The following GRIK4 variants were observed in gnomAD, a reference collection of about 807,000 sequenced individuals.
The protein encoded by GRIK4 is glutamate receptor ionotropic, kainate 4.
A neutral mutation model predicts 104.9 loss-of-function variants in GRIK4; 40 were observed. The observed-to-expected ratio is 0.38, with a 90% CI of 0.30 to 0.50. The LOEUF is 0.50. GRIK4 is among the 20% of genes least tolerant of loss of function. The pLI is 0.93. For missense variants in GRIK4, 1,047 were observed against 1,308.1 expected (o/e 0.80, Z 3.08); for synonymous variants, 485 against 524.9 (o/e 0.92, Z 1.04).
At chr11:120,934,047 A>G (rs1239020967) in intron 13 of GRIK4, among the ~76,000 whole-genome samples, 1 of 152,004 alleles carries the variant, frequency 6.6e-6, no homozygotes, top group Non-Finnish European at 1.5e-5. Context: ...TACTAAAAAT[A>G]TAAAAAAATT....
intron 1 of GRIK4, among the ~76,000 whole-genome samples, chr11:120,647,558 G>T (rs919528753): frequency 9.2e-5 from 14 of 152,210 alleles, no homozygotes; most frequent in East Asian, 1.9e-4. Context: ...GCCAGATTTG[G>T]TTTTTTCACC....
At chr11:120,608,041 A>T (rs1224686784) in intron 1 of GRIK4, among the ~76,000 whole-genome samples, 1 of 152,144 alleles carries the variant, frequency 6.6e-6, no homozygotes, top group Non-Finnish European at 1.5e-5. Context: ...TTTTGCAGGG[A>T]ATGTTTTCAG....
chr11:120,793,031 G>A lies in GRIK4; in HGVS notation c.83-9662G>A, dbSNP rs75171806. Among the ~76,000 whole-genome samples, 10 of 152,190 alleles carry A rather than the reference G, an allele frequency of 6.6e-5. No homozygotes were observed. The East Asian group carries it at 1.9e-3, about 29-fold the overall frequency. Reference sequence around the variant, plus strand: ...TAGTTTCATGGAAGCCAAGGAGGTTGATTAAATGAGATAACATATATGCTC... The same window carrying A: ...TAGTTTCATGGAAGCCAAGGAGGTTAATTAAATGAGATAACATATATGCTC... On this transcript the variant is annotated intron_variant, in intron 3 of 20. Coordinates refer to ENST00000527524, the MANE Select transcript of GRIK4 (RefSeq NM_014619.5).
In GRIK4 at chr11:120,967,307, A is replaced by G. The variant is rs1944401455; in HGVS notation, c.2379A>G (p.Glu793=). ...AAGGAGGGAAGTGCCCCAAGGAGGA[A>G]GATCACAGAGCTAAAGGTAAGGACG... ...WWEGGKCPKE[E]DHRAKGLGME... The change falls in exon 19 of 21, where the codon GAA becomes GAG. Residue 793 remains glutamate (E), a synonymous_variant. Coordinates refer to ENST00000527524, the MANE Select transcript of GRIK4 (RefSeq NM_014619.5). This position sits in a 1 kb window ranked among gnomAD's most constrained non-coding sequence, Gnocchi z 4.2. 6.2e-7 allele frequency: 1 copy of G among 1,613,416 alleles called. No individual in the cohort carries two copies. Among genetic ancestry groups the G allele is most frequent in the Admixed American group, 1.7e-5 (1 of 59,964 alleles).
chr11:120,531,334 C>T (rs1293053424), intron 1 of GRIK4, among the ~76,000 whole-genome samples: 1 of 152,220 alleles, frequency 6.6e-6, no homozygotes, highest in African/African-American at 2.4e-5. Flanking sequence ...ATTTTCCTTC[C>T]CCACATCCTC....
chr11:120,572,898 T>C (rs1339706610), intron 1 of GRIK4, among the ~76,000 whole-genome samples: 1 of 152,160 alleles, frequency 6.6e-6, no homozygotes, highest in Non-Finnish European at 1.5e-5. Flanking sequence ...TGCAAGAAGA[T>C]TGGAAAGCCA....
chr11:120,925,397 G>T (rs1382589340), intron 13 of GRIK4, among the ~76,000 whole-genome samples: 3 of 152,172 alleles, frequency 2.0e-5, no homozygotes, highest in Non-Finnish European at 4.4e-5. Flanking sequence ...ATCACGCCTG[G>T]AACCCATAGC....
chr11:120,857,154 A>G (rs1323218724), intron 8 of GRIK4, among the ~76,000 whole-genome samples: 2 of 152,162 alleles, frequency 1.3e-5, no homozygotes, highest in Non-Finnish European at 2.9e-5. Flanking sequence ...CCTGAGCTCT[A>G]GGACCTCCAC....
chr11:120,609,549 C>G (rs11602011), intron 1 of GRIK4, among the ~76,000 whole-genome samples: 36,156 of 80,590 alleles, frequency 0.45, 8,148 homozygotes, highest in Admixed American at 0.55. Context: ...TTTTTTGAGA[C>G]AGAGTTTTGC....
chr11:120,656,384 G>A lies in GRIK4; in HGVS notation c.-51+2592G>A, dbSNP rs141621925. Among the ~76,000 whole-genome samples the A allele has an allele frequency of 2.4e-3, 359 of 152,294 alleles. 2 individuals carry two copies. The highest frequency in any genetic ancestry group is 7.8e-3 in the African/African-American group (324 of 41,574). On this transcript the variant is annotated intron_variant, in intron 2 of 20. Transcript: ENST00000527524. ...TCATCTGTAATAGAGCTTGTTCTGCGGTTTAACTATGATAAAGACTGTGCA... is the reference window on the plus strand; with the variant it reads ...TCATCTGTAATAGAGCTTGTTCTGCAGTTTAACTATGATAAAGACTGTGCA...
chr11:120,586,185 A>G (rs894663951), intron 1 of GRIK4, among the ~76,000 whole-genome samples: 1 of 152,160 alleles, frequency 6.6e-6, no homozygotes, highest in Non-Finnish European at 1.5e-5. Context: ...ATGGGGGAGT[A>G]GGGAAGAGCC....
At chr11:120,570,568 C>T (rs1019575707) in intron 1 of GRIK4, among the ~76,000 whole-genome samples, 4 of 152,296 alleles carry the variant, frequency 2.6e-5, no homozygotes, top group Admixed American at 1.3e-4. Flanking sequence ...ATCATCACCC[C>T]ACCTCAGCCT....
intron 4 of GRIK4, among the ~76,000 whole-genome samples, chr11:120,812,315 C>T (rs1441126160): frequency 1.3e-5 from 2 of 152,142 alleles, no homozygotes; most frequent in East Asian, 1.9e-4. Flanking sequence ...GGTGCCATGT[C>T]GATCCCCAAG....
At chr11:120,660,503 T>G in intron 3 of GRIK4, 103 bp downstream of exon 3, 1 of 831,326 alleles carries the variant, frequency 1.2e-6, no homozygotes, top group Non-Finnish European at 1.9e-6. Flanking sequence ...GCCCAGCCCG[T>G]GCACTGTGCC....
intron 5 of GRIK4, among the ~76,000 whole-genome samples, chr11:120,818,629 A>C (rs981275936): frequency 6.6e-6 from 1 of 152,226 alleles, no homozygotes; most frequent in African/African-American, 2.4e-5. Flanking sequence ...TCTGGTCTCC[A>C]GCTGACTTCT....
At chr11:120,962,407 C>A in intron 17 of GRIK4, 49 bp from the exon 18 acceptor site, 1 of 1,339,338 alleles carries the variant, frequency 7.5e-7, no homozygotes, top group Non-Finnish European at 1.1e-6. Context: ...TTTAAGCCAA[C>A]GTTTCCTTCC....
At chr11:120,666,594 AG>A (rs1485153371) in intron 3 of GRIK4, among the ~76,000 whole-genome samples, 3 of 152,344 alleles carry the variant, frequency 2.0e-5, no homozygotes, top group Non-Finnish European at 4.4e-5. Context: ...TCAGACATGA[AG>A]GGATGGGGCT....
At chr11:120,976,751 C>G (rs943925571) in intron 19 of GRIK4, among the ~76,000 whole-genome samples, 2 of 152,228 alleles carry the variant, frequency 1.3e-5, no homozygotes, top group Non-Finnish European at 2.9e-5. Context: ...CTAGTCAGTC[C>G]TCTGTGCAAG....
intron 13 of GRIK4, among the ~76,000 whole-genome samples, chr11:120,921,894 A>G (rs551902834): frequency 3.9e-5 from 6 of 152,234 alleles, no homozygotes; most frequent in African/African-American, 1.2e-4. Context: ...CCACACATCT[A>G]TGGTCCAACT....
Sources: gnomAD v4.1 joint callset for allele counts (sites outside exome capture counted in the v4.1 genomes callset) on GRCh38, gnomAD v4.1.1 for gene constraint, Gnocchi (gnomAD v3.1) non-coding constraint, MANE v1.5 for transcripts, NCBI Gene and HGNC (gene_info 2026-07-23, HGNC 2026-07-21) for gene names.